The following CMKLR2 variants were observed in gnomAD, a reference collection of about 807,000 sequenced individuals.
CMKLR2 encodes chemerin-like receptor 2.
Under a neutral mutation model 23.0 loss-of-function variants are expected in CMKLR2, and 18 were observed. The ratio of observed to expected loss-of-function variants is 0.78; its 90% CI spans 0.54 to 1.16. CMKLR2 has a LOEUF of 1.16. CMKLR2 is among the 50% of genes most tolerant of loss of function. The pLI, the probability that CMKLR2 is intolerant of heterozygous loss-of-function variation, is 0.00. For synonymous variants in CMKLR2, 158 were observed against 158.9 expected (o/e 0.99, Z 0.05); for missense variants, 401 against 412.7 (o/e 0.97, Z 0.25).
chr2:206,209,724 C>T (rs1689473842), intron 1 of CMKLR2, among the ~76,000 whole-genome samples: 1 of 149,564 alleles, frequency 6.7e-6, no homozygotes, highest in Non-Finnish European at 1.5e-5. Context: ...TCTCGGCTCA[C>T]TGCAAGCTCC....
intron 1 of CMKLR2, among the ~76,000 whole-genome samples, chr2:206,192,982 T>G (rs1688800888): frequency 2.0e-5 from 3 of 152,262 alleles, no homozygotes; most frequent in Non-Finnish European, 2.9e-5. Context: ...AGTTGTTGTA[T>G]TGTTTAGGGG....
At chr2:206,209,615 G>T (rs1689463819) in intron 1 of CMKLR2, among the ~76,000 whole-genome samples, 1 of 150,620 alleles carries the variant, frequency 6.6e-6, no homozygotes, top group Non-Finnish European at 1.5e-5. Flanking sequence ...ACTTATAAGT[G>T]AGAACATGCC....
chr2:206,176,332 G>A lies in CMKLR2; in HGVS notation c.916C>T (p.Leu306=), dbSNP rs1435248213. 6.2e-7 allele frequency: 1 copy of A among 1,614,136 alleles called. No individual in the cohort carries two copies. Among genetic ancestry groups the A allele is most frequent in the Admixed American group, 1.7e-5 (1 of 60,010 alleles). Residue 306 remains leucine, a synonymous_variant, in exon 2 of 2, where the codon CTA becomes TTA. Coordinates refer to ENST00000621141, the MANE Select transcript of CMKLR2 (RefSeq NM_001389445.1). The stretch of plus-strand genomic sequence containing the variant: ...CGAGCTTGGAACTTCTTACTAATTA[G>A]GACATAAAGGATGGGGTTCAAGCAA... The part of the protein sequence containing the change: ...NSCLNPILYV[L]ISKKFQARFR...
At chr2:206,179,974 G>A (rs1281819427) in intron 1 of CMKLR2, among the ~76,000 whole-genome samples, 1 of 151,968 alleles carries the variant, frequency 6.6e-6, no homozygotes, top group East Asian at 1.9e-4. Flanking sequence ...GAGAAATCCG[G>A]CAGGGCAAAA....
intron 1 of CMKLR2, among the ~76,000 whole-genome samples, chr2:206,194,458 C>CTTT (rs369564233): frequency 7.8e-5 from 10 of 127,706 alleles, no homozygotes; most frequent in Admixed American, 1.7e-4. Flanking sequence ...TCGTTATGGG[C>CTTT]TTTTTTTTTT....
chr2:206,177,564 T>G (rs1334648379), intron 1 of CMKLR2, among the ~76,000 whole-genome samples: 3 of 152,086 alleles, frequency 2.0e-5, no homozygotes, highest in Non-Finnish European at 4.4e-5. Context: ...TTTTTAAATT[T>G]TTTGTAGAGA....
intron 1 of CMKLR2, among the ~76,000 whole-genome samples, chr2:206,178,965 A>T (rs892161335): frequency 6.7e-6 from 1 of 148,552 alleles, no homozygotes; most frequent in Admixed American, 6.8e-5. Context: ...TGGATTTATT[A>T]ATCAGTTTTA....
chr2:206,181,951 CAAAAAAAAAAA>C (rs34520665), intron 1 of CMKLR2, among the ~76,000 whole-genome samples: 1 of 68,590 alleles, frequency 1.5e-5, no homozygotes, highest in Non-Finnish European at 2.7e-5. Context: ...AACTCCACCT[CAAAAAAAAAAA>C]AAAAAAAAAA....
chr2:206,209,816 T>C (rs1337639802), intron 1 of CMKLR2, among the ~76,000 whole-genome samples: 2 of 148,852 alleles, frequency 1.3e-5, no homozygotes, highest in Non-Finnish European at 3.0e-5. Flanking sequence ...GCCCGGCTAA[T>C]TTTTTGTATT....
chr2:206,176,645 G>A lies in CMKLR2; in HGVS notation c.603C>T (p.Ile201=), dbSNP rs780322833. The change falls in exon 2 of 2, where the codon ATC becomes ATT. Residue 201 remains isoleucine (I), a synonymous_variant. Coordinates refer to ENST00000621141, the MANE Select transcript of CMKLR2 (RefSeq NM_001389445.1). ...FQKHDPDLTL[I]RHHVLTWVKF... ...TCACCCAAGTCAGAACATGGTGCCT[G>A]ATCAAAGTGAGGTCAGGATCATGCT... The A allele has an allele frequency of 1.9e-6, 3 of 1,614,162 alleles. No individual in the cohort carries two copies. The highest frequency in any genetic ancestry group is 2.5e-6 in the Non-Finnish European group (3 of 1,180,004).
At position 206,177,100 on chromosome 2, in the gene CMKLR2, C is replaced by G. The variant is rs149251931; in HGVS notation, c.148G>C (p.Val50Leu). The change falls in exon 2 of 2, where the codon GTT becomes CTT. Residue 50 changes from valine to leucine, a missense_variant. Transcript: ENST00000621141. Reference protein sequence around the residue: ...VSLVLYCLAFVLGIPGNAIVI... With the variant: ...VSLVLYCLAFLLGIPGNAIVI... ...ATGGCATTTCCTGGAATTCCCAGAA[C>G]AAAAGCCAAACAATATAACACCAGG... is the stretch of plus-strand genomic sequence containing the variant. 537 of 1,614,208 alleles carry G rather than the reference C, an allele frequency of 3.3e-4. 2 individuals carry two copies. The African/African-American group carries it at 6.5e-3, about 20-fold the overall frequency.
chr2:206,209,290 A>G (rs1574330447), intron 1 of CMKLR2, among the ~76,000 whole-genome samples: 1 of 151,780 alleles, frequency 6.6e-6, no homozygotes, highest in African/African-American at 2.4e-5. Context: ...GTGAGCTGAG[A>G]TCGCAGCCAC....
intron 1 of CMKLR2, chr2:206,203,991 T>C (rs1689211551): frequency 6.6e-6 from 1 of 152,190 alleles, no homozygotes; most frequent in Non-Finnish European, 1.5e-5. Flanking sequence ...GTTTATTGTA[T>C]GAATGACAAA....
chr2:206,177,081 T>G lies in CMKLR2; in HGVS notation c.167A>C (p.Asn56Thr). The G allele has an allele frequency of 6.2e-7, 1 of 1,614,188 alleles. No individual in the cohort carries two copies. The highest frequency in any genetic ancestry group is 8.5e-7 in the Non-Finnish European group (1 of 1,180,032). The change falls in exon 2 of 2, where the codon AAT becomes ACT. Residue 56 changes from asparagine to threonine, a missense_variant. By Grantham distance (65) the Asn-to-Thr change is moderately conservative. Transcript: ENST00000621141. ...CCCCGTGAACCAAATGACGATGGCA[T>G]TTCCTGGAATTCCCAGAACAAAAGC... is the stretch of plus-strand genomic sequence containing the variant. ...CLAFVLGIPG[N>T]AIVIWFTGFK... is the part of the protein sequence containing the mutation.
At position 206,176,862 on chromosome 2, in the gene CMKLR2, G is replaced by A. The variant is rs1688240901; in HGVS notation, c.386C>T (p.Thr129Ile). ...LNMFASVFFL[T>I]VISLDHYIHL... Reference sequence around the variant, plus strand: ...GATATAGTGGTCCAGGCTGATCACTGTCAGGAAAAAAACACTGGCAAACAT... The same window carrying A: ...GATATAGTGGTCCAGGCTGATCACTATCAGGAAAAAAACACTGGCAAACAT... Residue 129 changes from threonine to isoleucine, a missense_variant, in exon 2 of 2, where the codon ACA (threonine) becomes ATA (isoleucine). By Grantham distance (89) the Thr-to-Ile change is moderately conservative (BLOSUM62 -1). Coordinates refer to ENST00000621141, the MANE Select transcript of CMKLR2 (RefSeq NM_001389445.1). 2 of 1,614,186 alleles carry A rather than the reference G, an allele frequency of 1.2e-6. No individual in the cohort carries two copies. The highest frequency in any genetic ancestry group is 1.7e-5 in the Admixed American group (1 of 60,018).
At chr2:206,195,736 C>A (rs374892654) in intron 1 of CMKLR2, among the ~76,000 whole-genome samples, 19 of 152,136 alleles carry the variant, frequency 1.2e-4, no homozygotes, top group East Asian at 5.8e-4. Context: ...AGGCAGATCA[C>A]CTGAGGTTGG....
rs72944895 is a variant in CMKLR2, at chr2:206,204,644, A to G, written c.-29+8663T>C. Among the ~76,000 whole-genome samples, 1,159 of 151,714 alleles carry G rather than the reference A, an allele frequency of 7.6e-3. 9 individuals are homozygous for G. The highest frequency in any genetic ancestry group is 0.013 in the Admixed American group (201 of 15,224). ...CATGATCTCGGCTCAATGCAACCTCAACCTCCCGGGTTCAAGCAATTCCTC... is the reference window on the plus strand; with the variant it reads ...CATGATCTCGGCTCAATGCAACCTCGACCTCCCGGGTTCAAGCAATTCCTC... On this transcript the variant is annotated intron_variant, in intron 1 of 1. Coordinates refer to ENST00000621141, the MANE Select transcript of CMKLR2 (RefSeq NM_001389445.1).
rs931078925 is a variant in CMKLR2 at position 206,199,556 on chromosome 2, C to T, written c.-29+13751G>A. Among the ~76,000 whole-genome samples the T allele has an allele frequency of 6.6e-5, 10 of 151,934 alleles. No homozygotes were observed. In the East Asian group the frequency reaches 1.9e-3, roughly 29 times the overall value. On this transcript the variant is annotated intron_variant, in intron 1 of 1. Coordinates refer to ENST00000621141, the MANE Select transcript of CMKLR2 (RefSeq NM_001389445.1). Reference sequence around the variant, plus strand: ...TCAAATAGAAAACATATTTTAAGCACTCTTTTCTTTATTCTTAGCCTATTT... The same window carrying T: ...TCAAATAGAAAACATATTTTAAGCATTCTTTTCTTTATTCTTAGCCTATTT...
chr2:206,182,955 T>C (rs1396693761), intron 1 of CMKLR2, among the ~76,000 whole-genome samples: 2 of 152,116 alleles, frequency 1.3e-5, no homozygotes, highest in East Asian at 3.9e-4. Flanking sequence ...GGCTTATTCC[T>C]GGACACCAAA....
Sources: allele counts gnomAD v4.1 joint callset (sites outside exome capture counted in the v4.1 genomes callset), GRCh38; gene constraint gnomAD v4.1.1; transcripts MANE v1.5; gene names NCBI Gene and HGNC (gene_info 2026-07-23, HGNC 2026-07-21).